Variants in CBL observed in about 807,000 individuals in gnomAD.
The protein encoded by CBL is E3 ubiquitin-protein ligase CBL.
A neutral mutation model predicts 96.9 loss-of-function variants in CBL; 45 were observed. The ratio of observed to expected loss-of-function variants is 0.46; its 90% CI spans 0.37 to 0.60. The LOEUF (loss-of-function observed/expected upper bound fraction) is 0.60. Among genes scored for constraint, CBL ranks in the 20% least tolerant of loss-of-function variants. The probability of loss-of-function intolerance (pLI) is 0.00; values close to 1 mark genes in which losing one functional copy is unlikely to be tolerated. For synonymous variants in CBL, 420 were observed against 426.8 expected (o/e 0.98, Z 0.20); for missense variants, 1,024 against 1,143.5 (o/e 0.90, Z 1.51).
chr11:119,226,561 A>C lies in CBL; in HGVS notation c.196-5887A>C, dbSNP rs1231718081. On this transcript the variant is annotated intron_variant, in intron 1 of 15. Coordinates refer to ENST00000264033, the MANE Select transcript of CBL (RefSeq NM_005188.4). Reference sequence around the variant, plus strand: ...CAACCTCCTCCTTCTGGGTTCAAGCAATTCTCTTGCCTCAGCCTCCTGAGT... The same window carrying C: ...CAACCTCCTCCTTCTGGGTTCAAGCCATTCTCTTGCCTCAGCCTCCTGAGT... 2.0e-5 allele frequency among the ~76,000 whole-genome samples: 3 copies of C among 151,806 alleles called. No individual in the cohort carries two copies. In the East Asian group the frequency reaches 5.8e-4, roughly 29 times the overall value.
chr11:119,270,697 C>T (rs1205522632), intron 2 of CBL, among the ~76,000 whole-genome samples: 1 of 151,610 alleles, frequency 6.6e-6, no homozygotes, highest in South Asian at 2.1e-4. Flanking sequence ...CCGCCCGCCT[C>T]GGCCTCCCAA....
Position 119,228,415 on chromosome 11 carries a change from G to T in CBL, c.196-4033G>T, listed in dbSNP as rs1188493771. Reference sequence around the variant, plus strand: ...GAGTTCAGGAGTTTGAGACCAGCCTGGCCAACATGGTGAAACCCTGTCTCT... The same window carrying T: ...GAGTTCAGGAGTTTGAGACCAGCCTTGCCAACATGGTGAAACCCTGTCTCT... On this transcript the variant is annotated intron_variant, in intron 1 of 15. Transcript: ENST00000264033. Among the ~76,000 whole-genome samples the T allele has an allele frequency of 2.0e-5, 3 of 152,106 alleles. No individual in the cohort carries two copies. The East Asian group carries it at 5.8e-4, about 29-fold the overall frequency.
At chr11:119,290,581 C>A (rs970596030) in intron 12 of CBL, among the ~76,000 whole-genome samples, 18 of 147,210 alleles carry the variant, frequency 1.2e-4, no homozygotes, top group African/African-American at 4.5e-4. Flanking sequence ...GATCTTGCCA[C>A]TGCACTCCAG....
intron 9 of CBL, among the ~76,000 whole-genome samples, chr11:119,279,120 A>G (rs1216962630): frequency 1.3e-5 from 2 of 151,990 alleles, no homozygotes; most frequent in African/African-American, 2.4e-5. Context: ...TGAGGGAGAA[A>G]TAAAAGAACT....
intron 1 of CBL, among the ~76,000 whole-genome samples, chr11:119,228,606 CAAA>C (rs1166589178): frequency 1.7e-5 from 2 of 121,164 alleles, no homozygotes; most frequent in Admixed American, 8.6e-5. Context: ...AACTCCATCT[CAAA>C]AAAAAAAAAA....
Position 119,307,802 on chromosome 11 carries a change from T to A in CBL, c.*8021T>A. 4.7e-6 allele frequency: 1 copy of A among 213,880 alleles called. No individual in the cohort carries two copies. The highest frequency in any genetic ancestry group is 9.5e-6 in the Non-Finnish European group (1 of 105,650). 13.2% of individuals were successfully genotyped at this position (213,880 alleles called of 1,614,324 possible). A position where few individuals can be genotyped will look rare whatever the true frequency, so the allele number is the denominator to read the frequency against. ...AGAGTCCCAATTTGTATATCAGTGT[T>A]AAGAAGAAAACAAAACAAACACATA... On this transcript the variant is annotated 3_prime_UTR_variant, in exon 16 of 16. Transcript: ENST00000264033.
At chr11:119,250,483 A>G (rs1490951738) in intron 2 of CBL, among the ~76,000 whole-genome samples, 2 of 152,106 alleles carry the variant, frequency 1.3e-5, no homozygotes, top group African/African-American at 4.8e-5. Flanking sequence ...TGGCTTTCCC[A>G]GGCCCCAAAT....
At chr11:119,255,193 A>T (rs374113109) in intron 2 of CBL, among the ~76,000 whole-genome samples, 2 of 152,154 alleles carry the variant, frequency 1.3e-5, no homozygotes, top group African/African-American at 4.8e-5. Context: ...GCTGACAACT[A>T]GTGCCCTGGT....
chr11:119,227,122 ACCATTCTG>A (rs59459766), intron 1 of CBL, among the ~76,000 whole-genome samples: 2,300 of 152,256 alleles, frequency 0.015, 51 homozygotes, highest in African/African-American at 0.052. Context: ...TATCCATATA[ACCATTCTG>A]CCATTCTGTT....
In CBL at chr11:119,304,118, C is replaced by T. The variant is rs773126690; in HGVS notation, c.*4337C>T. On this transcript the variant is annotated 3_prime_UTR_variant, in exon 16 of 16. Transcript: ENST00000264033. ...CCTAATTGTCAGCCTTTACCTCCCT[C>T]CCAGAGCAAGGAGTTTAGGGATTCT... 5.6e-5 allele frequency: 13 copies of T among 233,506 alleles called. No homozygotes were observed. Among genetic ancestry groups the T allele is most frequent in the Middle Eastern group, 1.2e-3 (1 of 808 alleles). 14.5% of individuals were successfully genotyped at this position (233,506 alleles called of 1,614,324 possible). A position where few individuals can be genotyped will look rare whatever the true frequency, so the allele number is the denominator to read the frequency against.
At chr11:119,232,788 G>C in intron 2 of CBL, 93 bp downstream of exon 2, 1 of 1,243,528 alleles carries the variant, frequency 8.0e-7, no homozygotes, top group South Asian at 1.2e-5. Context: ...TTAATTTTAT[G>C]TTAGTAGGAA....
Position 119,278,272 on chromosome 11 carries a change from G to A in CBL, c.1202G>A (p.Cys401Tyr), listed in dbSNP as rs1357686410. Residue 401 changes from cysteine to tyrosine, a missense_variant, in exon 8 of 16, where the codon TGC becomes TAC. This residue lies in a region of CBL where 695 missense variants were observed against 661.6 expected (regional missense o/e 1.05). Transcript: ENST00000264033. ...VKIEPCGHLM[C>Y]TSCLTSWQES... is the part of the protein sequence containing the mutation. ...ATTGAGCCCTGTGGACACCTCATGT[G>A]CACATCCTGTCTTACATCCTGGCAG... 6.2e-7 allele frequency: 1 copy of A among 1,613,758 alleles called. No homozygotes were observed. Among genetic ancestry groups the A allele is most frequent in the Non-Finnish European group, 8.5e-7 (1 of 1,179,700 alleles).
chr11:119,271,901 A>G lies in CBL; in HGVS notation c.590+20A>G, dbSNP rs769677676. The G allele has an allele frequency of 4.3e-5, 70 of 1,611,708 alleles. No homozygotes were observed. In the Admixed American group the frequency reaches 1.2e-3, roughly 26 times the overall value. On this transcript the variant is annotated intron_variant, in intron 3 of 15. Transcript: ENST00000264033. Reference sequence around the variant, plus strand: ...GGAAAAGTAAGTCTCAGAATAATGAATTTGAACTATGAAAAACTAAAGCTT... The same window carrying G: ...GGAAAAGTAAGTCTCAGAATAATGAGTTTGAACTATGAAAAACTAAAGCTT...
intron 2 of CBL, among the ~76,000 whole-genome samples, chr11:119,261,974 A>G (rs995539526): frequency 2.0e-5 from 3 of 152,164 alleles, no homozygotes; most frequent in Non-Finnish European, 4.4e-5. Flanking sequence ...TGATTTTTTT[A>G]AAAAAGATAT....
intron 2 of CBL, among the ~76,000 whole-genome samples, chr11:119,259,236 G>T (rs755483044): frequency 3.3e-5 from 5 of 152,120 alleles, no homozygotes; most frequent in Non-Finnish European, 5.9e-5. Flanking sequence ...GCAAAACAGA[G>T]ATAGCTTGAC....
In CBL at chr11:119,277,818, C is replaced by T. The variant is rs2135302988; in HGVS notation, c.1069C>T (p.Pro357Ser). The change falls in exon 7 of 16, where the codon CCC becomes TCC. Residue 357 changes from proline (P) to serine (S), a missense_variant. Pro to Ser is a moderately conservative substitution (Grantham distance 74). Transcript: ENST00000264033. The part of the protein sequence containing the change: ...PDLTGLCEPT[P>S]QDHIKVTQEQ... ...TCTGACTGGCTTATGTGAACCAACT[C>T]CCCAAGACCATATCAAAGTGACCCA... The T allele has an allele frequency of 6.2e-7, 1 of 1,613,608 alleles. No homozygotes were observed. Among genetic ancestry groups the T allele is most frequent in the Non-Finnish European group, 8.5e-7 (1 of 1,179,578 alleles).
chr11:119,248,310 A>G (rs1173507230), intron 2 of CBL, among the ~76,000 whole-genome samples: 3 of 152,256 alleles, frequency 2.0e-5, no homozygotes, highest in Non-Finnish European at 4.4e-5. Flanking sequence ...GAGCCCAGAA[A>G]TAAACCCTCA....
Position 119,277,811 on chromosome 11 carries a change from A to C in CBL, c.1062A>C (p.Glu354Asp). The change falls in exon 7 of 16, where the codon GAA becomes GAC. Residue 354 changes from glutamate to aspartate, a missense_variant. By Grantham distance (45) the Glu-to-Asp change is conservative. Around this residue, in one of 4 missense-constraint regions of CBL, gnomAD observed 695 missense variants for 661.6 expected, o/e 1.05. Coordinates refer to ENST00000264033, the MANE Select transcript of CBL (RefSeq NM_005188.4). ...NQNPDLTGLC[E>D]PTPQDHIKVT... ...ATCCTGATCTGACTGGCTTATGTGA[A>C]CCAACTCCCCAAGACCATATCAAAG... 1.2e-6 allele frequency: 2 copies of C among 1,613,948 alleles called. No individual in the cohort carries two copies. The highest frequency in any genetic ancestry group is 1.7e-6 in the Non-Finnish European group (2 of 1,179,838).
chr11:119,219,193 C>T (rs879490603), intron 1 of CBL, among the ~76,000 whole-genome samples: 1 of 152,024 alleles, frequency 6.6e-6, no homozygotes, highest in Non-Finnish European at 1.5e-5. Flanking sequence ...GCCTGGCCAA[C>T]ATGGTGATAC....
Sources: gnomAD v4.1 joint callset for allele counts (sites outside exome capture counted in the v4.1 genomes callset) on GRCh38, gnomAD v4.1.1 for gene constraint, gnomAD v4.1.1 regional missense constraint, MANE v1.5 for transcripts, NCBI Gene and HGNC (gene_info 2026-07-23, HGNC 2026-07-21) for gene names.